Variants in GPC6 observed in about 807,000 individuals in gnomAD.
GPC6 encodes the protein glypican-6.
In GPC6, 14 loss-of-function variants were observed where a neutral mutation model predicts 55.2. The observed-to-expected ratio is 0.25, with a 90% CI of 0.17 to 0.40. The LOEUF is 0.40. Ranked by LOEUF, GPC6 falls within the 10% of genes least tolerant of loss-of-function variation. The pLI is 1.00. For synonymous variants in GPC6, 278 were observed against 259.6 expected, an observed-to-expected ratio of 1.07 and a Z score of -0.68; for missense variants, 641 against 708.5, an observed-to-expected ratio of 0.90 and a Z score of 1.08.
chr13:93,714,231 A>G (rs895325288), intron 2 of GPC6, among the ~76,000 whole-genome samples: 6 of 151,916 alleles, frequency 3.9e-5, no homozygotes, highest in African/African-American at 7.2e-5. Context: ...GAACTTAAAC[A>G]ATTGAGCAAA....
At chr13:93,374,582 T>G (rs982207619) in intron 1 of GPC6, among the ~76,000 whole-genome samples, 7 of 152,234 alleles carry the variant, frequency 4.6e-5, no homozygotes, top group Admixed American at 2.0e-4. Flanking sequence ...ATACTACTAC[T>G]GTGGCCTTTG....
At chr13:93,337,335 C>G (rs1880081749) in intron 1 of GPC6, among the ~76,000 whole-genome samples, 1 of 152,134 alleles carries the variant, frequency 6.6e-6, no homozygotes, top group South Asian at 2.1e-4. Flanking sequence ...TTTTATACAA[C>G]TTGATATGCT....
chr13:93,754,882 C>G (rs1884719062), intron 2 of GPC6, among the ~76,000 whole-genome samples: 1 of 152,100 alleles, frequency 6.6e-6, no homozygotes, highest in African/African-American at 2.4e-5. Context: ...CTAGCACAGT[C>G]CCATGATACA....
intron 3 of GPC6, among the ~76,000 whole-genome samples, chr13:93,930,834 T>C (rs1878128940): frequency 6.6e-6 from 1 of 152,118 alleles, no homozygotes; most frequent in Non-Finnish European, 1.5e-5. Context: ...AGAAAAGTGG[T>C]TTAATTGGTT....
intron 4 of GPC6, among the ~76,000 whole-genome samples, chr13:94,166,545 A>T (rs1337411256): frequency 6.6e-6 from 1 of 152,112 alleles, no homozygotes; most frequent in Non-Finnish European, 1.5e-5. Context: ...TAATATGGAG[A>T]GGTCTTATAA....
At chr13:93,322,412 TC>T (rs1384468596) in intron 1 of GPC6, among the ~76,000 whole-genome samples, 2 of 149,932 alleles carry the variant, frequency 1.3e-5, no homozygotes, top group Non-Finnish European at 3.0e-5. Context: ...CTAAGTTAAT[TC>T]TTTTTTTTTT....
intron 2 of GPC6, among the ~76,000 whole-genome samples, chr13:93,703,073 C>A (rs1482568226): frequency 2.0e-5 from 3 of 151,922 alleles, no homozygotes; most frequent in Non-Finnish European, 4.4e-5. Flanking sequence ...GAAATGCTTA[C>A]ATCACTAAAC....
chr13:93,398,617 G>A (rs1875951588), intron 1 of GPC6, among the ~76,000 whole-genome samples: 2 of 152,082 alleles, frequency 1.3e-5, no homozygotes, highest in African/African-American at 4.8e-5. Flanking sequence ...GGCATGTGTG[G>A]AATAATCATT....
At chr13:93,741,711 G>A (rs994470956) in intron 2 of GPC6, among the ~76,000 whole-genome samples, 8 of 152,064 alleles carry the variant, frequency 5.3e-5, no homozygotes, top group African/African-American at 1.7e-4. Context: ...TTGGTTATTA[G>A]TTTTGCTTTT....
At chr13:94,144,799 A>T (rs1398349245) in intron 4 of GPC6, among the ~76,000 whole-genome samples, 1 of 152,148 alleles carries the variant, frequency 6.6e-6, no homozygotes. Flanking sequence ...TACTGCCTGG[A>T]ATAAGAATAA....
chr13:93,704,858 G>T lies in GPC6; in HGVS notation c.320-125296G>T, dbSNP rs146978641. ...ATGAGGCATGATCTGGTTGGATCTT[G>T]TAATGACGTGATGCTGGATGGCATG... On this transcript the variant is annotated intron_variant, in intron 2 of 8. Transcript: ENST00000377047. Among the ~76,000 whole-genome samples, 38 of 152,072 alleles carry T rather than the reference G, an allele frequency of 2.5e-4. No individual in the cohort carries two copies. The East Asian group carries it at 4.7e-3, about 19-fold the overall frequency.
chr13:93,638,121 T>G (rs2139581440), intron 2 of GPC6, among the ~76,000 whole-genome samples: 1 of 152,250 alleles, frequency 6.6e-6, no homozygotes, highest in East Asian at 1.9e-4. Context: ...TTGTAGCTTA[T>G]AGCTAAAACA....
At position 93,722,015 on chromosome 13, in the gene GPC6, G is replaced by A. The variant is rs192592985; in HGVS notation, c.320-108139G>A. Among the ~76,000 whole-genome samples the A allele has an allele frequency of 4.6e-3, 696 of 151,796 alleles. 6 individuals are homozygous for A. Among genetic ancestry groups the A allele is most frequent in the African/African-American group, 0.015 (640 of 41,470 alleles). On this transcript the variant is annotated intron_variant, in intron 2 of 8. Coordinates refer to ENST00000377047, the MANE Select transcript of GPC6 (RefSeq NM_005708.5). ...TCCTCTAAGCCTTACTCATTATTCA[G>A]TGTCTTGGAATTTTTGACAATATAC... is the stretch of plus-strand genomic sequence containing the variant.
chr13:94,223,475 C>G (rs967565977), intron 4 of GPC6, among the ~76,000 whole-genome samples: 2 of 152,124 alleles, frequency 1.3e-5, no homozygotes, highest in African/African-American at 4.8e-5. Context: ...ACATAACATA[C>G]CTAAAATCAC....
intron 4 of GPC6, among the ~76,000 whole-genome samples, chr13:94,278,669 C>A (rs1234986120): frequency 6.6e-6 from 1 of 152,084 alleles, no homozygotes; most frequent in African/African-American, 2.4e-5. Flanking sequence ...TTATCAAAGG[C>A]TTTTTCTACA....
intron 3 of GPC6, among the ~76,000 whole-genome samples, chr13:93,962,860 T>C (rs554032069): frequency 2.0e-5 from 3 of 152,280 alleles, no homozygotes; most frequent in Middle Eastern, 3.4e-3. Flanking sequence ...CTTTGTTGGA[T>C]TGAGTGGAAT....
At chr13:93,717,806 T>G (rs534057786) in intron 2 of GPC6, among the ~76,000 whole-genome samples, 2 of 151,774 alleles carry the variant, frequency 1.3e-5, no homozygotes, top group African/African-American at 4.8e-5. Flanking sequence ...TTCTCCTCCC[T>G]GTGCCCATAT....
intron 4 of GPC6, among the ~76,000 whole-genome samples, chr13:94,145,524 A>G (rs187828589): frequency 1.4e-4 from 21 of 151,314 alleles, no homozygotes; most frequent in African/African-American, 3.9e-4. Flanking sequence ...AAAGTCTCAT[A>G]TGTGTACCCC....
chr13:94,405,240 C>A lies in GPC6; in HGVS notation c.*2023C>A, dbSNP rs1881323331. 1 of 152,056 alleles carries A rather than the reference C, an allele frequency of 6.6e-6. No individual in the cohort carries two copies. The highest frequency in any genetic ancestry group is 1.5e-5 in the Non-Finnish European group (1 of 67,996). 9.4% of individuals were successfully genotyped at this position (152,056 alleles called of 1,614,324 possible). On this transcript the variant is annotated 3_prime_UTR_variant, in exon 9 of 9. Coordinates refer to ENST00000377047, the MANE Select transcript of GPC6 (RefSeq NM_005708.5). ...CTTTGTGGCATTCTTTCATTTAAAC[C>A]TTTATGAAATTAACCATCTAGTTCA...
Sources: allele counts gnomAD v4.1 joint callset (sites outside exome capture counted in the v4.1 genomes callset), GRCh38; gene constraint gnomAD v4.1.1; transcripts MANE v1.5; gene names NCBI Gene and HGNC (gene_info 2026-07-23, HGNC 2026-07-21).